The following PPP2R2C variants were observed in gnomAD, a reference collection of about 807,000 sequenced individuals.
PPP2R2C encodes the protein protein phosphatase 2, regulatory subunit B, gamma.
In PPP2R2C, 10 loss-of-function variants were observed where a neutral mutation model predicts 45.3. That is an observed-to-expected ratio of 0.22 (90% CI 0.14 to 0.37). The LOEUF is 0.37. Among genes scored for constraint, PPP2R2C ranks in the 10% least tolerant of loss-of-function variants. PPP2R2C has a pLI of 1.00. For synonymous variants in PPP2R2C, 257 were observed against 245.4 expected, an observed-to-expected ratio of 1.05 and a Z score of -0.44; for missense variants, 308 against 619.7, an observed-to-expected ratio of 0.50 and a Z score of 5.34.
At chr4:6,410,258 TCA>T (rs1285333474) in intron 1 of PPP2R2C, among the ~76,000 whole-genome samples, 1 of 152,206 alleles carries the variant, frequency 6.6e-6, no homozygotes, top group Non-Finnish European at 1.5e-5. Flanking sequence ...GCGCACTTGT[TCA>T]CACAGAGCCT....
intron 2 of PPP2R2C, among the ~76,000 whole-genome samples, chr4:6,481,208 C>T (rs1490437760): frequency 6.6e-6 from 1 of 152,156 alleles, no homozygotes; most frequent in Non-Finnish European, 1.5e-5. Context: ...ATCTTTCAGG[C>T]ATTTTGCCTT....
chr4:6,544,122 G>T (rs527788553), intron 1 of PPP2R2C, among the ~76,000 whole-genome samples: 3 of 152,202 alleles, frequency 2.0e-5, no homozygotes, highest in Non-Finnish European at 2.9e-5. Flanking sequence ...CTCAAAGAAA[G>T]AGGGTCTGGT....
At chr4:6,454,596 C>G (rs1014758043) in intron 1 of PPP2R2C, among the ~76,000 whole-genome samples, 2 of 152,172 alleles carry the variant, frequency 1.3e-5, no homozygotes, top group African/African-American at 4.8e-5. Flanking sequence ...TCATGGGTGG[C>G]CATTTAGAGC....
intron 2 of PPP2R2C, among the ~76,000 whole-genome samples, chr4:6,499,588 A>T (rs1232092698): frequency 1.3e-5 from 2 of 152,156 alleles, no homozygotes; most frequent in African/African-American, 4.8e-5. Context: ...ACGAAAATGC[A>T]TCAAGGGCTC....
At chr4:6,521,076 A>G (rs1398866423) in intron 2 of PPP2R2C, among the ~76,000 whole-genome samples, 1 of 152,184 alleles carries the variant, frequency 6.6e-6, no homozygotes, top group Non-Finnish European at 1.5e-5. Flanking sequence ...TTGGAAAGTA[A>G]GGTTCGAAAA....
intron 1 of PPP2R2C, among the ~76,000 whole-genome samples, chr4:6,436,790 TG>T (rs1364647657): frequency 3.3e-5 from 5 of 152,188 alleles, no homozygotes; most frequent in African/African-American, 1.2e-4. Context: ...AACACATAGG[TG>T]TGACTGCATC....
intron 5 of PPP2R2C, among the ~76,000 whole-genome samples, chr4:6,357,048 G>A (rs757599438): frequency 1.5e-4 from 22 of 151,002 alleles, no homozygotes; most frequent in Non-Finnish European, 2.8e-4. Flanking sequence ...TCATGGGCAT[G>A]AGACAGGGAC....
In PPP2R2C at chr4:6,471,145, G is replaced by A. The variant is rs1313273533; in HGVS notation, c.70+1015C>T. Among the ~76,000 whole-genome samples, 2 of 152,192 alleles carry A rather than the reference G, an allele frequency of 1.3e-5. No individual in the cohort carries two copies. The highest frequency in any genetic ancestry group is 1.3e-4 in the Admixed American group (2 of 15,288). ...ACCTGCCCCGCGGGACCCGTGCCCA[G>A]GGCCCCTCCCACTGGGGCACCCACC... On this transcript the variant is annotated intron_variant, in intron 1 of 8. Coordinates refer to ENST00000382599, the MANE Select transcript of PPP2R2C (RefSeq NM_020416.4). This position sits in a 1 kb window ranked among gnomAD's most constrained non-coding sequence, Gnocchi z 5.6.
At chr4:6,493,891 CCATAAATCAACAGAA>C (rs1217667079) in intron 2 of PPP2R2C, among the ~76,000 whole-genome samples, 18 of 152,228 alleles carry the variant, frequency 1.2e-4, no homozygotes, top group Admixed American at 5.9e-4. Flanking sequence ...CTAGCAACAG[CCATAAATCAACAGAA>C]CATGCTGGAA....
chr4:6,484,513 TA>T (rs569436768), intron 2 of PPP2R2C, among the ~76,000 whole-genome samples: 5,248 of 146,222 alleles, frequency 0.036, 288 homozygotes, highest in African/African-American at 0.12. Flanking sequence ...TTCAGTTTCT[TA>T]AAAAAAAAAA....
intron 2 of PPP2R2C, among the ~76,000 whole-genome samples, chr4:6,507,321 A>C (rs1723270956): frequency 1.3e-5 from 2 of 152,208 alleles, no homozygotes; most frequent in African/African-American, 4.8e-5. Context: ...CTCTGACTAC[A>C]TGCAACATTG....
intron 2 of PPP2R2C, among the ~76,000 whole-genome samples, chr4:6,521,292 C>T (rs1490983437): frequency 1.3e-5 from 2 of 152,220 alleles, no homozygotes; most frequent in Non-Finnish European, 2.9e-5. Flanking sequence ...ATGTTGTGTT[C>T]AGCTGGTCGT....
intron 2 of PPP2R2C, among the ~76,000 whole-genome samples, chr4:6,502,439 G>T (rs572123170): frequency 6.6e-6 from 1 of 151,966 alleles, no homozygotes; most frequent in Non-Finnish European, 1.5e-5. Flanking sequence ...CCTCAGCCCC[G>T]GGTGAGTCCC....
In PPP2R2C at chr4:6,554,922, GGAAGGAAGGAAAGAAA is replaced by G. The variant is rs1488965246; in HGVS notation, c.-59+8622_-59+8637del. 2.7e-3 allele frequency among the ~76,000 whole-genome samples: 250 copies of G among 93,466 alleles called. 1 individual carries two copies. The highest frequency in any genetic ancestry group is 6.3e-3 in the African/African-American group (157 of 24,896). The allele number at this position is 93,466 out of a possible 152,430, so 61.3% of individuals were successfully genotyped here. On this transcript the variant is annotated intron_variant, in intron 1 of 9. Coordinates refer to the PPP2R2C transcript ENST00000506140. ...AGGAAGGAAGGAAGGAAGGAAGGAAGGAAGGAAGGAAAGAAAGAAAGAAAGAAAGAAAGAAAGAAAG... is the reference window on the plus strand; with the variant it reads ...AGGAAGGAAGGAAGGAAGGAAGGAAGGAAAGAAAGAAAGAAAGAAAGAAAG...
rs1447898027 is a variant in PPP2R2C, at chr4:6,407,772, G to A, written c.71-26678C>T. 2.6e-5 allele frequency among the ~76,000 whole-genome samples: 4 copies of A among 152,144 alleles called. No homozygotes were observed. In the East Asian group the frequency reaches 7.7e-4, roughly 29 times the overall value. On this transcript the variant is annotated intron_variant, in intron 1 of 8. Coordinates refer to ENST00000382599, the MANE Select transcript of PPP2R2C (RefSeq NM_020416.4). ...GGAAGTTCTTAAACTATTCAAAAGTGAGGAAAATGGATTCAAAAATACATA... is the reference window on the plus strand; with the variant it reads ...GGAAGTTCTTAAACTATTCAAAAGTAAGGAAAATGGATTCAAAAATACATA...
At chr4:6,383,170 A>G in intron 1 of PPP2R2C, 3 of 1,176,426 alleles carry the variant, frequency 2.6e-6, no homozygotes, top group South Asian at 3.2e-5. Context: ...CGGTACCAGG[A>G]GCAGGACCTG....
At chr4:6,465,895 A>T (rs1246385892) in intron 1 of PPP2R2C, among the ~76,000 whole-genome samples, 1 of 152,198 alleles carries the variant, frequency 6.6e-6, no homozygotes, top group Non-Finnish European at 1.5e-5. Context: ...TTGGTTCAAT[A>T]ATAAACAAGG....
intron 1 of PPP2R2C, among the ~76,000 whole-genome samples, chr4:6,448,888 G>GACCCCAGCAGGTGGGGGCAGT (rs1474292539): frequency 1.8e-4 from 28 of 152,212 alleles, no homozygotes; most frequent in African/African-American, 6.5e-4. Context: ...GGCGGGGGCT[G>GACCCCAGCAGGTGGGGGCAGT]ACCCCAGCAG....
rs951727429 is a variant in PPP2R2C, at chr4:6,410,608, T to C, written c.71-29514A>G. ...CAGAAATGTGTCTGGTGTGCCATGC[T>C]GGCTGGTCTGCAGGTGTGTGAGGGG... On this transcript the variant is annotated intron_variant, in intron 1 of 8. Coordinates refer to ENST00000382599, the MANE Select transcript of PPP2R2C (RefSeq NM_020416.4). 3.9e-5 allele frequency among the ~76,000 whole-genome samples: 6 copies of C among 152,232 alleles called. No homozygotes were observed. The South Asian group carries it at 8.3e-4, about 21-fold the overall frequency.
Sources: gnomAD v4.1 joint callset for allele counts (sites outside exome capture counted in the v4.1 genomes callset) on GRCh38, gnomAD v4.1.1 for gene constraint, Gnocchi (gnomAD v3.1) non-coding constraint, MANE v1.5 for transcripts, NCBI Gene and HGNC (gene_info 2026-07-23, HGNC 2026-07-21) for gene names.